KLB: variants seen among roughly 807,000 people sequenced by gnomAD.
The protein encoded by KLB is klotho beta.
Under a neutral mutation model 88.4 loss-of-function variants are expected in KLB, and 44 were observed. The ratio of observed to expected loss-of-function variants is 0.50; its 90% CI spans 0.39 to 0.64. The LOEUF is 0.64. Among genes scored for constraint, KLB ranks in the 30% least tolerant of loss-of-function variants. The probability of loss-of-function intolerance (pLI) is 0.00; values close to 1 mark genes in which losing one functional copy is unlikely to be tolerated. For synonymous variants in KLB, 548 were observed against 513.4 expected, an observed-to-expected ratio of 1.07 and a Z score of -0.91; for missense variants, 1,137 against 1,304.8, an observed-to-expected ratio of 0.87 and a Z score of 1.98.
intron 3 of KLB, among the ~76,000 whole-genome samples, chr4:39,441,937 A>T (rs1375405901): frequency 6.6e-6 from 1 of 152,206 alleles, no homozygotes; most frequent in Non-Finnish European, 1.5e-5. Flanking sequence ...TTAAAGTAAT[A>T]CTTGAAAAAT....
chr4:39,428,038 T>C (rs1167169996), intron 1 of KLB, among the ~76,000 whole-genome samples: 2 of 152,162 alleles, frequency 1.3e-5, no homozygotes, highest in Admixed American at 6.6e-5. Flanking sequence ...TATCCCCTAA[T>C]AGAGCTGTCA....
At chr4:39,436,953 A>T (rs918898375) in intron 2 of KLB, among the ~76,000 whole-genome samples, 2 of 151,924 alleles carry the variant, frequency 1.3e-5, no homozygotes, top group Non-Finnish European at 2.9e-5. Context: ...CAGGTGATCC[A>T]CCCACCTCAG....
chr4:39,436,375 G>A (rs1743473419), intron 2 of KLB, among the ~76,000 whole-genome samples: 1 of 152,174 alleles, frequency 6.6e-6, no homozygotes, highest in Admixed American at 6.5e-5. Context: ...TAGGGGCCAA[G>A]GCTGAGGGTT....
chr4:39,447,827 G>A (rs1743793342), intron 4 of KLB, among the ~76,000 whole-genome samples: 1 of 152,124 alleles, frequency 6.6e-6, no homozygotes, highest in African/African-American at 2.4e-5. Flanking sequence ...TAAATTTATG[G>A]GATGCATGAA....
chr4:39,433,159 C>T (rs994777980), intron 1 of KLB, among the ~76,000 whole-genome samples: 8 of 152,158 alleles, frequency 5.3e-5, no homozygotes, highest in East Asian at 1.9e-4. Flanking sequence ...GGATTATAGG[C>T]ATGAGCCACC....
rs201497399 is a variant in KLB, at chr4:39,447,244, C to A, written c.2518C>A (p.Arg840Ser). 1 of 1,614,104 alleles carries A rather than the reference C, an allele frequency of 6.2e-7. No homozygotes were observed. Among genetic ancestry groups the A allele is most frequent in the Admixed American group, 1.7e-5 (1 of 60,028 alleles). ...FVMHEQLAGS[R>S]YDSDRDIQFL... ...GATGCACGAGCAGCTGGCCGGCAGC[C>A]GCTACGACTCGGACAGGGACATCCA... is the stretch of plus-strand genomic sequence containing the variant. The change falls in exon 4 of 5, where the codon CGC (arginine) becomes AGC (serine). Residue 840 changes from arginine (R) to serine (S), a missense_variant. Around this residue, in one of 4 missense-constraint regions of KLB, gnomAD observed 426 missense variants for 404.6 expected, o/e 1.05. Coordinates refer to ENST00000257408, the MANE Select transcript of KLB (RefSeq NM_175737.4).
At chr4:39,415,778 T>A (rs1385269075) in intron 1 of KLB, among the ~76,000 whole-genome samples, 1 of 152,140 alleles carries the variant, frequency 6.6e-6, no homozygotes, top group African/African-American at 2.4e-5. Context: ...GATGAAATAA[T>A]TTTTTAAATT....
chr4:39,433,981 G>C (rs553017764), intron 1 of KLB, among the ~76,000 whole-genome samples: 1 of 152,334 alleles, frequency 6.6e-6, no homozygotes, highest in Admixed American at 6.5e-5. Flanking sequence ...GGAAATAAGA[G>C]CCTAGACTAG....
At chr4:39,423,435 C>G (rs906553360) in intron 1 of KLB, among the ~76,000 whole-genome samples, 2 of 151,828 alleles carry the variant, frequency 1.3e-5, no homozygotes, top group Admixed American at 6.5e-5. Flanking sequence ...TAACCAAGTA[C>G]AGCAGAGAGA....
intron 1 of KLB, among the ~76,000 whole-genome samples, chr4:39,412,670 C>G (rs1560643832): frequency 6.6e-6 from 1 of 152,152 alleles, no homozygotes; most frequent in South Asian, 2.1e-4. Context: ...CTGCTGGCTC[C>G]CATAAGATGG....
In KLB at chr4:39,434,686, C is replaced by T; in HGVS notation, c.1302C>T (p.Tyr434=). ...RVKTEDTTAI[Y]MMKNFLSQVL... ...AAACAGAAGACACCACGGCCATCTA[C>T]ATGATGAAGAATTTCCTCAGCCAGG... Residue 434 remains tyrosine, a synonymous_variant, in exon 2 of 5, where the codon TAC becomes TAT. Coordinates refer to ENST00000257408, the MANE Select transcript of KLB (RefSeq NM_175737.4). 1 of 1,613,436 alleles carries T rather than the reference C, an allele frequency of 6.2e-7. No homozygotes were observed. The highest frequency in any genetic ancestry group is 8.5e-7 in the Non-Finnish European group (1 of 1,179,698).
chr4:39,428,715 A>G (rs1261966425), intron 1 of KLB, among the ~76,000 whole-genome samples: 1 of 152,172 alleles, frequency 6.6e-6, no homozygotes, highest in Non-Finnish European at 1.5e-5. Flanking sequence ...TTATTAGTTT[A>G]ATTATTTCAA....
chr4:39,437,390 C>T (rs1056519707), intron 2 of KLB, among the ~76,000 whole-genome samples: 10 of 152,290 alleles, frequency 6.6e-5, no homozygotes, highest in South Asian at 4.1e-4. Context: ...TGGTCATGAG[C>T]ACACATATGC....
chr4:39,434,778 A>G, intron 2 of KLB, 58 bp downstream of exon 2: 2 of 1,341,350 alleles, frequency 1.5e-6, no homozygotes, highest in East Asian at 2.3e-5. Context: ...GGATATTTAA[A>G]GTCACCTTTG....
chr4:39,430,281 G>A (rs1454705684), intron 1 of KLB, among the ~76,000 whole-genome samples: 1 of 152,140 alleles, frequency 6.6e-6, no homozygotes, highest in African/African-American at 2.4e-5. Flanking sequence ...GAAGGGAGGT[G>A]CTGATCACTG....
At chr4:39,418,329 C>T (rs796813042) in intron 1 of KLB, among the ~76,000 whole-genome samples, 39 of 152,218 alleles carry the variant, frequency 2.6e-4, no homozygotes, top group African/African-American at 9.2e-4. Context: ...CAACCTCCAC[C>T]TCCTGGTTCA....
Position 39,446,724 on chromosome 4 carries a change from G to A in KLB, c.1998G>A (p.Thr666=). Residue 666 remains threonine (T), a synonymous_variant, in exon 4 of 5, where the codon ACG becomes ACA. Coordinates refer to ENST00000257408, the MANE Select transcript of KLB (RefSeq NM_175737.4). The surrounding 1 kb of genome is among the most constrained non-coding windows in gnomAD (Gnocchi z 6.4). The part of the protein sequence containing the change: ...LHADGWLNPS[T]AEAFQAYAGL... ...CCGACGGGTGGCTGAACCCATCGACGGCCGAGGCCTTCCAGGCCTACGCTG... is the reference window on the plus strand; with the variant it reads ...CCGACGGGTGGCTGAACCCATCGACAGCCGAGGCCTTCCAGGCCTACGCTG... 1 of 1,606,338 alleles carries A rather than the reference G, an allele frequency of 6.2e-7. No homozygotes were observed. Among genetic ancestry groups the A allele is most frequent in the African/African-American group, 1.3e-5 (1 of 74,946 alleles).
chr4:39,442,534 A>G (rs555984884), intron 3 of KLB, among the ~76,000 whole-genome samples: 1 of 151,748 alleles, frequency 6.6e-6, no homozygotes, highest in South Asian at 2.1e-4. Flanking sequence ...CCCGGGTTCA[A>G]GAGATTCCCC....
At chr4:39,415,009 A>T (rs1335476330) in intron 1 of KLB, among the ~76,000 whole-genome samples, 2 of 151,764 alleles carry the variant, frequency 1.3e-5, no homozygotes, top group Admixed American at 6.6e-5. Context: ...GTTTTTTGAG[A>T]AGGAGTGATT....
Sources: gnomAD v4.1 joint callset for allele counts (sites outside exome capture counted in the v4.1 genomes callset) on GRCh38, gnomAD v4.1.1 for gene constraint, gnomAD v4.1.1 regional missense constraint, Gnocchi (gnomAD v3.1) non-coding constraint, MANE v1.5 for transcripts, NCBI Gene and HGNC (gene_info 2026-07-23, HGNC 2026-07-21) for gene names.